Variants in GREB1 observed in about 807,000 individuals in gnomAD.
The protein encoded by GREB1 is growth regulating estrogen receptor binding 1.
Under a neutral mutation model 200.7 loss-of-function variants are expected in GREB1, and 106 were observed. The observed-to-expected ratio is 0.53, with a 90% CI of 0.45 to 0.62. The LOEUF (loss-of-function observed/expected upper bound fraction) is 0.62, where lower values mean the gene tolerates loss of function less well. Among genes scored for constraint, GREB1 ranks in the 20% least tolerant of loss-of-function variants. GREB1 has a pLI of 0.00. For missense variants in GREB1, 2,243 were observed against 2,556.8 expected, an observed-to-expected ratio of 0.88 and a Z score of 2.65; for synonymous variants, 1,132 against 1,092.4, an observed-to-expected ratio of 1.04 and a Z score of -0.72.
intron 23 of GREB1, among the ~76,000 whole-genome samples, chr2:11,623,741 A>G (rs905355117): frequency 5.3e-5 from 8 of 152,138 alleles, no homozygotes; most frequent in African/African-American, 1.9e-4. Flanking sequence ...AAGTACAAAA[A>G]TTAGCTGGAT....
intron 1 of GREB1, among the ~76,000 whole-genome samples, chr2:11,490,844 C>T (rs562216305): frequency 7.9e-5 from 12 of 152,326 alleles, no homozygotes; most frequent in African/African-American, 2.4e-4. Flanking sequence ...CCACCACACC[C>T]GGCCTTGGAA....
chr2:11,615,665 G>A (rs192418563), intron 20 of GREB1, among the ~76,000 whole-genome samples: 1 of 152,336 alleles, frequency 6.6e-6, no homozygotes, highest in Admixed American at 6.5e-5. Context: ...CACCTAGTGT[G>A]ATTTGCTTGT....
chr2:11,601,874 C>T (rs1681814519), intron 16 of GREB1, among the ~76,000 whole-genome samples: 2 of 152,236 alleles, frequency 1.3e-5, no homozygotes, highest in South Asian at 2.1e-4. Context: ...GGATATGACC[C>T]AGGCCACTGG....
chr2:11,586,609 G>A (rs1680125214), intron 9 of GREB1, among the ~76,000 whole-genome samples: 2 of 152,128 alleles, frequency 1.3e-5, no homozygotes, highest in Admixed American at 6.5e-5. Context: ...GCGTGGGCAC[G>A]GCACACACAC....
At chr2:11,535,276 A>C (rs1210435173) in intron 1 of GREB1, among the ~76,000 whole-genome samples, 2 of 152,152 alleles carry the variant, frequency 1.3e-5, no homozygotes, top group Non-Finnish European at 2.9e-5. Flanking sequence ...TCAGCTCCAC[A>C]TTCCCTCTCT....
Position 11,610,801 on chromosome 2 carries a change from A to C in GREB1, c.2780A>C (p.Glu927Ala), listed in dbSNP as rs1307893231. Reference protein sequence around the residue: ...LPQMKNYTSVETLEITQNLLN... With the variant: ...LPQMKNYTSVATLEITQNLLN... ...CAGATGAAGAACTACACGTCGGTGGAGACGCTGGAGATCACGCAGAACCTC... is the reference window on the plus strand; with the variant it reads ...CAGATGAAGAACTACACGTCGGTGGCGACGCTGGAGATCACGCAGAACCTC... Residue 927 changes from glutamate to alanine, a missense_variant, in exon 18 of 33, where the codon GAG (glutamate) becomes GCG (alanine). Glu to Ala is a moderately radical substitution (Grantham distance 107). Transcript: ENST00000381486. The C allele has an allele frequency of 1.2e-6, 2 of 1,613,374 alleles. No homozygotes were observed. The highest frequency in any genetic ancestry group is 2.7e-5 in the African/African-American group (2 of 74,934).
At chr2:11,521,557 G>T (rs1407578431) in intron 1 of GREB1, among the ~76,000 whole-genome samples, 1 of 152,096 alleles carries the variant, frequency 6.6e-6, no homozygotes, top group African/African-American at 2.4e-5. Flanking sequence ...TTCTTGATTT[G>T]GGAAGCTCCC....
chr2:11,531,570 T>C (rs1449587197), upstream of GREB1, among the ~76,000 whole-genome samples: 1 of 152,080 alleles, frequency 6.6e-6, no homozygotes, highest in East Asian at 1.9e-4. Context: ...ATTAATTAAT[T>C]AATTATTATT....
intron 23 of GREB1, among the ~76,000 whole-genome samples, chr2:11,623,073 C>T (rs1410493968): frequency 2.6e-5 from 4 of 152,220 alleles, no homozygotes; most frequent in Non-Finnish European, 5.9e-5. Context: ...AAAATTTAGT[C>T]GTGCGCCACA....
chr2:11,632,678 A>T (rs1684981647), intron 27 of GREB1, among the ~76,000 whole-genome samples: 2 of 152,292 alleles, frequency 1.3e-5, no homozygotes, highest in East Asian at 3.9e-4. Flanking sequence ...AGCATAAGAA[A>T]GCAAATTTGT....
Position 11,605,934 on chromosome 2 carries a change from G to C in GREB1, c.2666+3392G>C, listed in dbSNP as rs571475454. Among the ~76,000 whole-genome samples, 3 of 152,316 alleles carry C rather than the reference G, an allele frequency of 2.0e-5. No homozygotes were observed. In the South Asian group the frequency reaches 6.2e-4, roughly 32 times the overall value. On this transcript the variant is annotated intron_variant, in intron 17 of 32. Coordinates refer to ENST00000381486, the MANE Select transcript of GREB1 (RefSeq NM_014668.4). ...ACATTCATGTACAAAGCTTTGTATA[G>C]ACATATACTTTCCCTTTTCATGGGT...
intron 16 of GREB1, among the ~76,000 whole-genome samples, chr2:11,601,333 G>A (rs1681762600): frequency 6.6e-6 from 1 of 152,168 alleles, no homozygotes; most frequent in Non-Finnish European, 1.5e-5. Context: ...GGGGCTTTGG[G>A]CTCCATACAG....
intron 1 of GREB1, among the ~76,000 whole-genome samples, chr2:11,489,414 G>A (rs562528847): frequency 1.3e-5 from 2 of 152,246 alleles, no homozygotes; most frequent in East Asian, 1.9e-4. Flanking sequence ...AGCCAAGATC[G>A]CACCACTGCC....
chr2:11,637,150 C>T (rs956021707), intron 30 of GREB1, among the ~76,000 whole-genome samples: 8 of 150,696 alleles, frequency 5.3e-5, no homozygotes, highest in African/African-American at 1.5e-4. Context: ...GCGAGGAGGT[C>T]GGTATGGAGG....
intron 17 of GREB1, among the ~76,000 whole-genome samples, chr2:11,604,938 C>T (rs1428541091): frequency 6.6e-6 from 1 of 152,144 alleles, no homozygotes; most frequent in Non-Finnish European, 1.5e-5. Flanking sequence ...CAGTTGGACA[C>T]AAACCTACTG....
intron 1 of GREB1, among the ~76,000 whole-genome samples, chr2:11,534,532 G>A (rs1214189432): frequency 2.6e-5 from 4 of 152,114 alleles, no homozygotes; most frequent in Non-Finnish European, 4.4e-5. Context: ...AGTGGGGAGC[G>A]TGCGGCTTTC....
intron 29 of GREB1, 119 bp downstream of exon 29, chr2:11,634,468 C>T: frequency 1.4e-6 from 1 of 694,372 alleles, no homozygotes; most frequent in South Asian, 1.8e-5. Flanking sequence ...GCCTTGCTCT[C>T]CGTTGTCCCA....
intron 3 of GREB1, chr2:11,563,217 C>G (rs1376969019): frequency 6.6e-6 from 1 of 152,256 alleles, no homozygotes; most frequent in African/African-American, 2.4e-5. Flanking sequence ...AGGTGATCCA[C>G]CCACCTCAGC....
At chr2:11,534,660 G>C (rs1472370697) in intron 1 of GREB1, among the ~76,000 whole-genome samples, 1 of 152,180 alleles carries the variant, frequency 6.6e-6, no homozygotes, top group African/African-American at 2.4e-5. Flanking sequence ...GTGGCTCAGT[G>C]ATTGGGTTGG....
Sources: allele counts gnomAD v4.1 joint callset (sites outside exome capture counted in the v4.1 genomes callset), GRCh38; gene constraint gnomAD v4.1.1; transcripts MANE v1.5; gene names NCBI Gene and HGNC (gene_info 2026-07-23, HGNC 2026-07-21).